Variants in H2BC12 observed in about 807,000 individuals in gnomAD.
The protein encoded by H2BC12 is histone H2B type 1-K.
In H2BC12, 6 loss-of-function variants were observed where a neutral mutation model predicts 6.3. The observed-to-expected ratio is 0.95, with a 90% CI of 0.52 to 1.87. The LOEUF is 1.87. Among genes scored for constraint, H2BC12 ranks in the 40% most tolerant of loss-of-function variants. H2BC12 has a pLI of 0.01. For synonymous variants in H2BC12, 132 were observed against 78.5 expected (o/e 1.68, Z -3.60); for missense variants, 119 against 178.4 (o/e 0.67, Z 1.90).
At position 27,146,422 on chromosome 6, in the gene H2BC12, T is replaced by A; in HGVS notation, c.377A>T (p.Lys126Met). The stretch of plus-strand genomic sequence containing the variant: ...TAAGACGCTTACTTGGCAAGTTTAC[T>A]TAGCGCTGGTGTACTTGGTGACGGC... The part of the protein sequence containing the change: ...TKAVTKYTSA[K>M] Residue 126 changes from lysine (K) to methionine (M), a missense_variant, in exon 1 of 1, where the codon AAG becomes ATG. Lys to Met is a moderately conservative substitution (Grantham distance 95). Around this residue, in one of 2 missense-constraint regions of H2BC12, gnomAD observed 69 missense variants for 141.0 expected, o/e 0.49. Coordinates refer to ENST00000356950, the MANE Select transcript of H2BC12 (RefSeq NM_001312653.2). The A allele has an allele frequency of 1.2e-6, 2 of 1,614,268 alleles. No individual in the cohort carries two copies. The highest frequency in any genetic ancestry group is 1.7e-6 in the Non-Finnish European group (2 of 1,180,050).
At chr6:27,139,707 C>G in the H2BC12 span, 9 of 1,497,244 alleles carry the variant, frequency 6.0e-6, no homozygotes, top group East Asian at 9.2e-5. Flanking sequence ...TGACTGCAAA[C>G]TGAGTCTCTT....
chr6:27,139,190 C>T, the H2BC12 span: 1 of 1,120,402 alleles, frequency 8.9e-7, no homozygotes, highest in Non-Finnish European at 1.2e-6. Context: ...GTCCCCTCCC[C>T]CAATGCAGAG....
downstream of H2BC12, chr6:27,146,343 G>A (rs1337934807): frequency 2.2e-5 from 35 of 1,605,006 alleles, no homozygotes; most frequent in South Asian, 2.2e-4. Context: ...CGTGTTTACA[G>A]CTCTAATATC....
chr6:27,142,636 C>CTTTTTTTTTT (rs759784250), downstream of H2BC12, among the ~76,000 whole-genome samples: 1 of 100,292 alleles, frequency 1.0e-5, no homozygotes, highest in African/African-American at 4.5e-5. Context: ...TCCCCCCCTC[C>CTTTTTTTTTT]TTTTTTTTTT....
downstream of H2BC12, chr6:27,146,277 A>C: frequency 7.2e-7 from 1 of 1,385,484 alleles, no homozygotes; most frequent in South Asian, 1.4e-5. Context: ...CAGTGTGATA[A>C]GATCATGATA....
chr6:27,140,829 G>A, the H2BC12 span, among the ~76,000 whole-genome samples: 1 of 151,874 alleles, frequency 6.6e-6, no homozygotes, highest in Non-Finnish European at 1.5e-5. Context: ...GATTTGATTT[G>A]TAAATATTCT....
At chr6:27,141,078 C>T in the H2BC12 span, among the ~76,000 whole-genome samples, 40 of 150,978 alleles carry the variant, frequency 2.6e-4, no homozygotes, top group Non-Finnish European at 2.7e-4. Flanking sequence ...AACATTTAGG[C>T]GGCTTATGTC....
rs759189956 is a variant in H2BC12, at chr6:27,146,681, C to A, written c.118G>T (p.Val40Leu). 1.2e-6 allele frequency: 2 copies of A among 1,614,122 alleles called. No individual in the cohort carries two copies. The highest frequency in any genetic ancestry group is 1.6e-4 in the Middle Eastern group (1 of 6,084). ...TGCTTCAGCACCTTGTACACGTATA[C>A]GGAGTAGCTCTCCTTGCGGCTGCGC... ...RKRSRKESYS[V>L]YVYKVLKQVH... is the part of the protein sequence containing the mutation. Residue 40 changes from valine (V) to leucine (L), a missense_variant, in exon 1 of 1, where the codon GTA becomes TTA. This residue lies in a region of H2BC12 where 69 missense variants were observed against 141.0 expected (regional missense o/e 0.49). Coordinates refer to ENST00000356950, the MANE Select transcript of H2BC12 (RefSeq NM_001312653.2).
chr6:27,142,170 G>T (rs898895829), downstream of H2BC12, among the ~76,000 whole-genome samples: 4 of 151,858 alleles, frequency 2.6e-5, no homozygotes, highest in Non-Finnish European at 5.9e-5. Flanking sequence ...GATTTGAAAT[G>T]AAAAAAGAAT....
chr6:27,139,470 G>T, the H2BC12 span: 1 of 1,614,200 alleles, frequency 6.2e-7, no homozygotes, highest in South Asian at 1.1e-5. Context: ...TCTATGAGGA[G>T]ACCCGCGGAG....
At chr6:27,144,087 G>C (rs1370059679), downstream of H2BC12, among the ~76,000 whole-genome samples, 2 of 152,134 alleles carry the variant, frequency 1.3e-5, no homozygotes, top group Non-Finnish European at 2.9e-5. Flanking sequence ...CTAATGATTT[G>C]AGCAAAGTAA....
At chr6:27,141,693 CG>C (rs1333407956), downstream of H2BC12, among the ~76,000 whole-genome samples, 1 of 152,112 alleles carries the variant, frequency 6.6e-6, no homozygotes, top group Non-Finnish European at 1.5e-5. Context: ...CTGAGAAAGT[CG>C]TTTTTATTTT....
downstream of H2BC12, among the ~76,000 whole-genome samples, chr6:27,144,956 C>T (rs769123735): frequency 9.2e-5 from 14 of 151,984 alleles, no homozygotes; most frequent in Non-Finnish European, 1.3e-4. Context: ...ACCACGCCCC[C>T]CCTAATTTTT....
chr6:27,139,550 C>T, the H2BC12 span: 6 of 1,614,114 alleles, frequency 3.7e-6, no homozygotes, highest in Non-Finnish European at 5.1e-6. Flanking sequence ...AAGCGCAAGA[C>T]GGTCACCGCC....
At position 27,146,514 on chromosome 6, in the gene H2BC12, G is replaced by C. The variant is rs1387622566; in HGVS notation, c.285C>G (p.Ile95Met). ...NKRSTITSRE[I>M]QTAVRLLLPG... ...GCAGCAGCAGGCGCACGGCCGTCTGGATCTCCCTGGAGGTGATGGTCGAGC... is the reference window on the plus strand; with the variant it reads ...GCAGCAGCAGGCGCACGGCCGTCTGCATCTCCCTGGAGGTGATGGTCGAGC... The change falls in exon 1 of 1, where the codon ATC becomes ATG. Residue 95 changes from isoleucine to methionine, a missense_variant. Physicochemically the swap from Ile to Met is conservative, Grantham distance 10 (BLOSUM62 1). Coordinates refer to ENST00000356950, the MANE Select transcript of H2BC12 (RefSeq NM_001312653.2). The C allele has an allele frequency of 6.2e-7, 1 of 1,614,270 alleles. No homozygotes were observed. Among genetic ancestry groups the C allele is most frequent in the Non-Finnish European group, 8.5e-7 (1 of 1,180,046 alleles).
chr6:27,142,295 G>A (rs1280755222), downstream of H2BC12, among the ~76,000 whole-genome samples: 2 of 151,646 alleles, frequency 1.3e-5, no homozygotes, highest in Admixed American at 6.6e-5. Context: ...TTTTGGAGAC[G>A]AACTCTCGCT....
chr6:27,146,760 C>A lies in H2BC12; in HGVS notation c.39G>T (p.Lys13Asn), dbSNP rs1466927250. The change falls in exon 1 of 1, where the codon AAG (lysine) becomes AAT (asparagine). Residue 13 changes from lysine (K) to asparagine (N), a missense_variant. Physicochemically the swap from Lys to Asn is moderately conservative, Grantham distance 94. Transcript: ENST00000356950. Reference sequence around the variant, plus strand: ...CCTTAGTCACGGCTTTCTTCGAGCCCTTCTTGGGCGCGGGAGCGGACTTCG... The same window carrying A: ...CCTTAGTCACGGCTTTCTTCGAGCCATTCTTGGGCGCGGGAGCGGACTTCG... ...EPAKSAPAPK[K>N]GSKKAVTKAQ... is the part of the protein sequence containing the mutation. 1 of 1,614,212 alleles carries A rather than the reference C, an allele frequency of 6.2e-7. No individual in the cohort carries two copies. The highest frequency in any genetic ancestry group is 8.5e-7 in the Non-Finnish European group (1 of 1,180,038).
At chr6:27,142,764 G>A (rs1440738281), downstream of H2BC12, among the ~76,000 whole-genome samples, 1 of 147,826 alleles carries the variant, frequency 6.8e-6, no homozygotes, top group Admixed American at 6.9e-5. Flanking sequence ...AGCCTCCCAA[G>A]CAGCTGGGAC....
chr6:27,142,838 T>C (rs113421188), downstream of H2BC12, among the ~76,000 whole-genome samples: 5,857 of 151,374 alleles, frequency 0.039, 134 homozygotes, highest in South Asian at 0.07. Flanking sequence ...GGTTTCACCA[T>C]ACTGGCCAGG....
Sources: gnomAD v4.1 joint callset for allele counts (sites outside exome capture counted in the v4.1 genomes callset) on GRCh38, gnomAD v4.1.1 for gene constraint, gnomAD v4.1.1 regional missense constraint, MANE v1.5 for transcripts, NCBI Gene and HGNC (gene_info 2026-07-23, HGNC 2026-07-21) for gene names.